The following LRRC4C variants were observed in gnomAD, a reference collection of about 807,000 sequenced individuals.
The protein encoded by LRRC4C is leucine rich repeat containing 4C.
LRRC4C carries 5 observed loss-of-function variants against 33.6 expected under a neutral mutation model. That is an observed-to-expected ratio of 0.15 (90% CI 0.08 to 0.31). The LOEUF is 0.31. LRRC4C is among the 10% of genes least tolerant of loss of function. LRRC4C has a pLI of 1.00. For missense variants in LRRC4C, 560 were observed against 796.7 expected (o/e 0.70, Z 3.58); for synonymous variants, 329 against 302.0 (o/e 1.09, Z -0.93).
chr11:41,134,893 A>C (rs1166128075), intron 1 of LRRC4C, among the ~76,000 whole-genome samples: 1 of 152,190 alleles, frequency 6.6e-6, no homozygotes, highest in Non-Finnish European at 1.5e-5. Context: ...ATAAAAACAA[A>C]ATGAATGAAC....
intron 3 of LRRC4C, among the ~76,000 whole-genome samples, chr11:40,484,044 G>A (rs944796732): frequency 9.2e-5 from 14 of 151,962 alleles, no homozygotes; most frequent in Admixed American, 5.9e-4. Flanking sequence ...TCAATTTGGC[G>A]AAAATTTTGT....
At chr11:40,860,813 T>A (rs1954056398) in intron 2 of LRRC4C, among the ~76,000 whole-genome samples, 1 of 61,500 alleles carries the variant, frequency 1.6e-5, no homozygotes, top group Non-Finnish European at 3.3e-5. Context: ...TTTTTTTTTT[T>A]TTTCAGTGAG....
chr11:40,792,908 G>A (rs1181555548), intron 2 of LRRC4C, among the ~76,000 whole-genome samples: 1 of 151,888 alleles, frequency 6.6e-6, no homozygotes, highest in East Asian at 1.9e-4. Context: ...AACACCGCAT[G>A]TTCTCACTCA....
chr11:40,489,395 A>T (rs1047062804), intron 3 of LRRC4C, among the ~76,000 whole-genome samples: 13 of 151,982 alleles, frequency 8.6e-5, no homozygotes, highest in Non-Finnish European at 1.6e-4. Context: ...GACCACTTTC[A>T]TAACCCTCTT....
At chr11:40,982,585 G>T (rs967021421) in intron 1 of LRRC4C, among the ~76,000 whole-genome samples, 5 of 152,096 alleles carry the variant, frequency 3.3e-5, no homozygotes, top group Non-Finnish European at 7.3e-5. Flanking sequence ...AAGAGATGCT[G>T]CCACTGCTAT....
At chr11:40,710,861 C>T (rs1359892045) in intron 2 of LRRC4C, among the ~76,000 whole-genome samples, 1 of 152,180 alleles carries the variant, frequency 6.6e-6, no homozygotes, top group Non-Finnish European at 1.5e-5. Context: ...CCACCCAGTT[C>T]GAGCTTCCCA....
intron 4 of LRRC4C, among the ~76,000 whole-genome samples, chr11:40,262,404 C>T (rs1353985589): frequency 6.6e-6 from 1 of 152,102 alleles, no homozygotes; most frequent in Non-Finnish European, 1.5e-5. Flanking sequence ...TTAGTTCAAC[C>T]ATTGTGGAAG....
At chr11:41,444,805 A>AG (rs1955767422) in intron 1 of LRRC4C, among the ~76,000 whole-genome samples, 1 of 87,760 alleles carries the variant, frequency 1.1e-5, no homozygotes, top group Non-Finnish European at 2.4e-5. Flanking sequence ...AGTCTAACTT[A>AG]ATTTTTTTTT....
chr11:40,415,660 T>C (rs1267070157), intron 3 of LRRC4C, among the ~76,000 whole-genome samples: 2 of 152,162 alleles, frequency 1.3e-5, no homozygotes, highest in South Asian at 2.1e-4. Context: ...TGAGGAGCCT[T>C]GTCTTATTTT....
At chr11:41,323,502 G>A (rs936595535) in intron 1 of LRRC4C, among the ~76,000 whole-genome samples, 1 of 152,194 alleles carries the variant, frequency 6.6e-6, no homozygotes, top group Non-Finnish European at 1.5e-5. Context: ...ACCAAGTGAA[G>A]AGAAAAGCAA....
intron 3 of LRRC4C, among the ~76,000 whole-genome samples, chr11:40,516,163 T>A (rs1041376680): frequency 4.6e-5 from 7 of 152,140 alleles, no homozygotes; most frequent in Non-Finnish European, 7.4e-5. Flanking sequence ...ATTGATAATA[T>A]TAAGTGCTGT....
In LRRC4C at chr11:40,514,666, C is replaced by A. The variant is rs575501242; in HGVS notation, c.-270+133476G>T. Among the ~76,000 whole-genome samples, 46 of 152,102 alleles carry A rather than the reference C, an allele frequency of 3.0e-4. 1 individual carries two copies. In the South Asian group the frequency reaches 9.3e-3, roughly 31 times the overall value. ...GGATTTTCCTTCCATCTATTGTCTT[C>A]TTTGCATAATTGCCATCAACCTCCC... On this transcript the variant is annotated intron_variant, in intron 3 of 6. Transcript: ENST00000528697.
intron 1 of LRRC4C, among the ~76,000 whole-genome samples, chr11:41,119,835 T>G (rs1205720997): frequency 1.3e-5 from 2 of 152,176 alleles, no homozygotes; most frequent in African/African-American, 4.8e-5. Context: ...TAATGATTTA[T>G]GTATAGATGA....
Position 40,768,862 on chromosome 11 carries a change from C to G in LRRC4C, c.-406-120584G>C, listed in dbSNP as rs535034367. On this transcript the variant is annotated intron_variant, in intron 2 of 6. Transcript: ENST00000528697. ...CACAATAAAAGCCACATATGACAGA[C>G]CCACAGCTAGTATCATACTGAATGG... Among the ~76,000 whole-genome samples the G allele has an allele frequency of 8.5e-5, 13 of 152,152 alleles. No homozygotes were observed. In the South Asian group the frequency reaches 2.5e-3, roughly 29 times the overall value.
intron 1 of LRRC4C, among the ~76,000 whole-genome samples, chr11:40,984,892 A>T (rs1276874226): frequency 2.0e-4 from 5 of 24,646 alleles, no homozygotes; most frequent in Non-Finnish European, 5.1e-4. Context: ...TCTCACTGAC[A>T]CTTTTTTTTT....
chr11:40,783,076 A>G (rs1004444655), intron 2 of LRRC4C, among the ~76,000 whole-genome samples: 2 of 152,178 alleles, frequency 1.3e-5, no homozygotes, highest in Admixed American at 6.5e-5. Flanking sequence ...GTTCATAGTC[A>G]TAAATACAAG....
At chr11:40,732,057 AC>A (rs201722620) in intron 2 of LRRC4C, among the ~76,000 whole-genome samples, 1 of 59,126 alleles carries the variant, frequency 1.7e-5, no homozygotes, top group Non-Finnish European at 4.0e-5. Flanking sequence ...GCAAAAAAAA[AC>A]CAAAAAAAAA....
At chr11:40,718,764 G>GT (rs1474024532) in intron 2 of LRRC4C, among the ~76,000 whole-genome samples, 2 of 152,134 alleles carry the variant, frequency 1.3e-5, no homozygotes, top group East Asian at 3.9e-4. Context: ...TTGGTTGTAG[G>GT]TATTAGTCAA....
At chr11:40,174,473 A>G (rs898763739) in intron 5 of LRRC4C, among the ~76,000 whole-genome samples, 1 of 152,164 alleles carries the variant, frequency 6.6e-6, no homozygotes, top group African/African-American at 2.4e-5. Flanking sequence ...ATCACTCAAG[A>G]CTGTTAGAAG....
Sources: allele counts gnomAD v4.1 joint callset (sites outside exome capture counted in the v4.1 genomes callset), GRCh38; gene constraint gnomAD v4.1.1; transcripts MANE v1.5; gene names NCBI Gene and HGNC (gene_info 2026-07-23, HGNC 2026-07-21).